CCDC85C: variants seen among roughly 807,000 people sequenced by gnomAD.
CCDC85C encodes the protein coiled-coil domain containing 85C.
Under a neutral mutation model 38.3 loss-of-function variants are expected in CCDC85C, and 18 were observed. That is an observed-to-expected ratio of 0.47 (90% CI 0.33 to 0.70). The LOEUF (loss-of-function observed/expected upper bound fraction) is 0.70, where lower values mean the gene tolerates loss of function less well. Ranked by LOEUF, CCDC85C falls within the 30% of genes least tolerant of loss-of-function variation. The pLI, the probability that CCDC85C is intolerant of heterozygous loss-of-function variation, is 0.03. For synonymous variants in CCDC85C, 264 were observed against 293.8 expected, an observed-to-expected ratio of 0.90 and a Z score of 1.04; for missense variants, 566 against 621.2, an observed-to-expected ratio of 0.91 and a Z score of 0.94.
chr14:99,593,666 T>C (rs1256480772), intron 1 of CCDC85C, among the ~76,000 whole-genome samples: 2 of 152,206 alleles, frequency 1.3e-5, no homozygotes, highest in Non-Finnish European at 2.9e-5. Context: ...CTGACACCAG[T>C]CTCCCAACCC....
intron 2 of CCDC85C, among the ~76,000 whole-genome samples, chr14:99,524,294 C>T (rs1897343278): frequency 6.6e-6 from 1 of 152,130 alleles, no homozygotes; most frequent in South Asian, 2.1e-4. Flanking sequence ...CCCTCCCCTT[C>T]AGCCGGCCCT....
At chr14:99,530,206 A>G (rs1897465995) in intron 2 of CCDC85C, among the ~76,000 whole-genome samples, 1 of 152,162 alleles carries the variant, frequency 6.6e-6, no homozygotes, top group African/African-American at 2.4e-5. Flanking sequence ...ACATTGCGAG[A>G]CTGACCATCT....
rs755459069 is a variant in CCDC85C, at chr14:99,510,199, C to T, written c.*5047G>A. On this transcript the variant is annotated 3_prime_UTR_variant, in exon 6 of 6. Coordinates refer to ENST00000380243, the MANE Select transcript of CCDC85C (RefSeq NM_001144995.2). ...GCTGCTGCCTTAGGTGAGGCTGAGCCGCCGGGCCCTGTGGATGCCACTGAC... is the reference window on the plus strand; with the variant it reads ...GCTGCTGCCTTAGGTGAGGCTGAGCTGCCGGGCCCTGTGGATGCCACTGAC... 9 of 1,597,404 alleles carry T rather than the reference C, an allele frequency of 5.6e-6. No individual in the cohort carries two copies. The South Asian group carries it at 5.6e-5, about 10-fold the overall frequency.
rs1410973348 is a variant in CCDC85C, at chr14:99,603,809, C to T, written c.151G>A (p.Gly51Ser). The change falls in exon 1 of 6, where the codon GGC becomes AGC. Residue 51 changes from glycine to serine, a missense_variant. Coordinates refer to ENST00000380243, the MANE Select transcript of CCDC85C (RefSeq NM_001144995.2). This position sits in a 1 kb window ranked among gnomAD's most constrained non-coding sequence, Gnocchi z 7.5. The stretch of plus-strand genomic sequence containing the variant: ...CGCCGGTTCACGTCGCGCATCAGGC[C>T]GCCGTGCTCCAGCATGAGGCCCACC... ...EKVGLMLEHG[G>S]LMRDVNRRLQ... The T allele has an allele frequency of 3.3e-6, 5 of 1,525,108 alleles. No individual in the cohort carries two copies. In the South Asian group the frequency reaches 6.1e-5, roughly 19 times the overall value. 94.5% of individuals were successfully genotyped at this position (1,525,108 alleles called of 1,614,324 possible).
intron 1 of CCDC85C, among the ~76,000 whole-genome samples, chr14:99,596,205 C>T (rs1459722720): frequency 6.6e-6 from 1 of 152,236 alleles, no homozygotes; most frequent in Non-Finnish European, 1.5e-5. Context: ...ACACAGTCTA[C>T]TCAAGGGCTT....
At chr14:99,538,654 G>A (rs971308748) in intron 1 of CCDC85C, among the ~76,000 whole-genome samples, 1 of 152,206 alleles carries the variant, frequency 6.6e-6, no homozygotes, top group Non-Finnish European at 1.5e-5. Context: ...CCCTCTCCAT[G>A]AGCCCACAAT....
At position 99,510,616 on chromosome 14, in the gene CCDC85C, C is replaced by T; in HGVS notation, c.*4630G>A. On this transcript the variant is annotated 3_prime_UTR_variant, in exon 6 of 6. Coordinates refer to ENST00000380243, the MANE Select transcript of CCDC85C (RefSeq NM_001144995.2). ...CCACCCCCACCCCCACGCCTCCCGCCTACCCACGCAGTCCCCCCTCATCCT... is the reference window on the plus strand; with the variant it reads ...CCACCCCCACCCCCACGCCTCCCGCTTACCCACGCAGTCCCCCCTCATCCT... The T allele has an allele frequency of 7.4e-7, 1 of 1,359,980 alleles. No homozygotes were observed. The highest frequency in any genetic ancestry group is 9.6e-7 in the Non-Finnish European group (1 of 1,045,212). The allele number at this position is 1,359,980 out of a possible 1,614,324, so 84.2% of individuals were successfully genotyped here. A position where few individuals can be genotyped will look rare whatever the true frequency, so the allele number is the denominator to read the frequency against.
chr14:99,505,263 C>T lies in CCDC85C; in HGVS notation c.*9983G>A, dbSNP rs935904155. ...AAACATGGTGGCCTCAGCATGCTGG[C>T]TGCGGGGCAGGAAGGGCAGATCCGG... is the stretch of plus-strand genomic sequence containing the variant. On this transcript the variant is annotated 3_prime_UTR_variant, in exon 6 of 6. Coordinates refer to ENST00000380243, the MANE Select transcript of CCDC85C (RefSeq NM_001144995.2). 3.3e-5 allele frequency: 5 copies of T among 152,268 alleles called. No homozygotes were observed. Among genetic ancestry groups the T allele is most frequent in the African/African-American group, 1.2e-4 (5 of 41,444 alleles). 9.4% of individuals were successfully genotyped at this position (152,268 alleles called of 1,614,324 possible).
intron 1 of CCDC85C, among the ~76,000 whole-genome samples, chr14:99,582,113 G>A (rs975390731): frequency 6.6e-5 from 10 of 152,168 alleles, no homozygotes; most frequent in Non-Finnish European, 1.2e-4. Flanking sequence ...CACACCCAGC[G>A]GGGGCGGGGG....
Position 99,603,995 on chromosome 14 carries a change from G to T in CCDC85C, c.-36C>A. 4 of 1,214,302 alleles carry T rather than the reference G, an allele frequency of 3.3e-6. No homozygotes were observed. The highest frequency in any genetic ancestry group is 4.1e-6 in the Non-Finnish European group (4 of 977,942). The allele number at this position is 1,214,302 out of a possible 1,614,324, so 75.2% of individuals were successfully genotyped here. A position where few individuals can be genotyped will look rare whatever the true frequency, so the allele number is the denominator to read the frequency against. On this transcript the variant is annotated 5_prime_UTR_variant, in exon 1 of 6. Coordinates refer to ENST00000380243, the MANE Select transcript of CCDC85C (RefSeq NM_001144995.2). This position sits in a 1 kb window ranked among gnomAD's most constrained non-coding sequence, Gnocchi z 7.5. Reference sequence around the variant, plus strand: ...TCACCGCGGCATCGCCCTCGCCCTCGCCCGGCCGGCGCTTCCCCGCGCCGG... The same window carrying T: ...TCACCGCGGCATCGCCCTCGCCCTCTCCCGGCCGGCGCTTCCCCGCGCCGG...
rs1248228476 is a variant in CCDC85C at position 99,558,002 on chromosome 14, T to C, written c.794-21914A>G. Among the ~76,000 whole-genome samples, 1 of 152,134 alleles carries C rather than the reference T, an allele frequency of 6.6e-6. No individual in the cohort carries two copies. Among genetic ancestry groups the C allele is most frequent in the African/African-American group, 2.4e-5 (1 of 41,428 alleles). ...ACATAAAATAGCTGAAAGGATGAAATATCACAGAAGAAAGTGCGTGTGCAG... is the reference window on the plus strand; with the variant it reads ...ACATAAAATAGCTGAAAGGATGAAACATCACAGAAGAAAGTGCGTGTGCAG... On this transcript the variant is annotated intron_variant, in intron 1 of 5. Transcript: ENST00000380243. The surrounding 1 kb of genome is among the most constrained non-coding windows in gnomAD (Gnocchi z 4.2).
chr14:99,594,232 G>A (rs376024161), intron 1 of CCDC85C, among the ~76,000 whole-genome samples: 12 of 152,264 alleles, frequency 7.9e-5, no homozygotes, highest in East Asian at 3.9e-4. Context: ...GAGGAACCTC[G>A]AGTCCAGGAA....
intron 1 of CCDC85C, among the ~76,000 whole-genome samples, chr14:99,537,551 C>T (rs975350848): frequency 1.3e-5 from 2 of 152,164 alleles, no homozygotes; most frequent in Non-Finnish European, 2.9e-5. Flanking sequence ...GGAGCCCGGC[C>T]CGGCCGCACT....
In CCDC85C at chr14:99,510,614, G is replaced by A. The variant is rs1234226815; in HGVS notation, c.*4632C>T. 13 of 711,946 alleles carry A rather than the reference G, an allele frequency of 1.8e-5. No homozygotes were observed. The highest frequency in any genetic ancestry group is 5.8e-5 in the African/African-American group (2 of 34,258). The allele number at this position is 711,946 out of a possible 1,614,324, so 44.1% of individuals were successfully genotyped here. A position where few individuals can be genotyped will look rare whatever the true frequency, so the allele number is the denominator to read the frequency against. Reference sequence around the variant, plus strand: ...TCCCACCCCCACCCCCACGCCTCCCGCCTACCCACGCAGTCCCCCCTCATC... The same window carrying A: ...TCCCACCCCCACCCCCACGCCTCCCACCTACCCACGCAGTCCCCCCTCATC... On this transcript the variant is annotated 3_prime_UTR_variant, in exon 6 of 6. Coordinates refer to ENST00000380243, the MANE Select transcript of CCDC85C (RefSeq NM_001144995.2).
chr14:99,581,181 C>T (rs1313254958), intron 1 of CCDC85C, among the ~76,000 whole-genome samples: 3 of 152,150 alleles, frequency 2.0e-5, no homozygotes, highest in African/African-American at 7.2e-5. Context: ...GGCAGGTGTG[C>T]CCAGTGCCAC....
intron 1 of CCDC85C, among the ~76,000 whole-genome samples, chr14:99,600,486 A>G (rs2055187394): frequency 6.6e-6 from 1 of 152,218 alleles, no homozygotes; most frequent in Non-Finnish European, 1.5e-5. Context: ...TGGGTCAGGA[A>G]TCAAGAATAG....
intron 2 of CCDC85C, among the ~76,000 whole-genome samples, chr14:99,534,491 C>T (rs923742388): frequency 1.3e-5 from 2 of 152,172 alleles, no homozygotes; most frequent in Admixed American, 6.5e-5. Context: ...GTCACTGACC[C>T]GGGGGCCCGA....
At chr14:99,596,007 AAG>A (rs762924983) in intron 1 of CCDC85C, among the ~76,000 whole-genome samples, 1 of 152,242 alleles carries the variant, frequency 6.6e-6, no homozygotes, top group Non-Finnish European at 1.5e-5. Context: ...CTCCCAGATG[AAG>A]AGACAGTAAT....
At chr14:99,560,316 C>T (rs1898093046) in intron 1 of CCDC85C, among the ~76,000 whole-genome samples, 1 of 152,320 alleles carries the variant, frequency 6.6e-6, no homozygotes, top group African/African-American at 2.4e-5. Context: ...AGGGTCTGGG[C>T]CGGGAGAGCC....
Sources: allele counts gnomAD v4.1 joint callset (sites outside exome capture counted in the v4.1 genomes callset), GRCh38; gene constraint gnomAD v4.1.1; non-coding constraint Gnocchi (gnomAD v3.1); transcripts MANE v1.5; gene names NCBI Gene and HGNC (gene_info 2026-07-23, HGNC 2026-07-21).